LAMC3: variants seen among roughly 807,000 people sequenced by gnomAD.
LAMC3 encodes the protein laminin subunit gamma-3.
Under a neutral mutation model 173.8 loss-of-function variants are expected in LAMC3, and 128 were observed. The observed-to-expected ratio is 0.74, with a 90% CI of 0.64 to 0.85. The LOEUF (loss-of-function observed/expected upper bound fraction) is 0.85. Among genes scored for constraint, LAMC3 ranks in the 40% least tolerant of loss-of-function variants. The pLI is 0.00. For synonymous variants in LAMC3, 897 were observed against 909.1 expected (o/e 0.99, Z 0.24); for missense variants, 2,022 against 2,156.0 (o/e 0.94, Z 1.23).
In LAMC3 at chr9:131,087,772, C is replaced by T; in HGVS notation, c.4432C>T (p.Leu1478=). The T allele has an allele frequency of 1.2e-6, 2 of 1,614,174 alleles. No individual in the cohort carries two copies. Among genetic ancestry groups the T allele is most frequent in the Non-Finnish European group, 1.7e-6 (2 of 1,180,044 alleles). The stretch of plus-strand genomic sequence containing the variant: ...GCAGATCCGGGAATCGCGTATCTCA[C>T]TGGAGAAGGACATCGAGACCTTGTC... ...EQQIRESRIS[L]EKDIETLSEL... Residue 1478 remains leucine, a synonymous_variant, in exon 27 of 28, where the codon CTG becomes TTG. Coordinates refer to ENST00000361069, the MANE Select transcript of LAMC3 (RefSeq NM_006059.4).
rs141571008 is a variant in LAMC3, at chr9:131,041,053, G to A, written c.1284-584G>A. 4.2e-3 allele frequency among the ~76,000 whole-genome samples: 643 copies of A among 152,156 alleles called. 8 individuals are homozygous for A. Among genetic ancestry groups the A allele is most frequent in the African/African-American group, 6.5e-3 (268 of 41,520 alleles). ...AAGGAAGGATGAATAAGTGGATGGA[G>A]GAGTGAGGGGATAGACAGAAAGATT... On this transcript the variant is annotated intron_variant, in intron 6 of 27. Coordinates refer to ENST00000361069, the MANE Select transcript of LAMC3 (RefSeq NM_006059.4).
intron 1 of LAMC3, among the ~76,000 whole-genome samples, chr9:131,022,461 C>A (rs1833644078): frequency 6.6e-6 from 1 of 152,104 alleles, no homozygotes; most frequent in African/African-American, 2.4e-5. Flanking sequence ...AATTCACATA[C>A]CGTATAATTT....
chr9:131,075,807 GCTCAGGTGGGTGTC>G lies in LAMC3; in HGVS notation c.3495-19_3495-6del. The G allele has an allele frequency of 6.2e-7, 1 of 1,603,422 alleles. No individual in the cohort carries two copies. Among genetic ancestry groups the G allele is most frequent in the East Asian group, 2.2e-5 (1 of 44,624 alleles). On this transcript the variant is annotated splice_polypyrimidine_tract_variant and intron_variant, in intron 20 of 27. Transcript: ENST00000361069. ...CCCTTCCCTGCGAGCCCTTGGTAAT[GCTCAGGTGGGTGTC>G]CTCACACAGCCACAGAGACACCGCC...
At chr9:131,018,484 C>G (rs1174888258) in intron 1 of LAMC3, among the ~76,000 whole-genome samples, 1 of 152,050 alleles carries the variant, frequency 6.6e-6, no homozygotes, top group East Asian at 1.9e-4. Flanking sequence ...AGCCCTAGCC[C>G]AGACCCTCAC....
intron 13 of LAMC3, among the ~76,000 whole-genome samples, chr9:131,061,999 C>T (rs1331242576): frequency 1.3e-5 from 2 of 151,974 alleles, no homozygotes; most frequent in South Asian, 2.1e-4. Flanking sequence ...TGCAGTGTGC[C>T]GAGATTTCAC....
At chr9:131,018,914 G>A (rs943680786) in intron 1 of LAMC3, among the ~76,000 whole-genome samples, 6 of 152,150 alleles carry the variant, frequency 3.9e-5, no homozygotes, top group East Asian at 1.9e-4. Context: ...AGGTTTGAGC[G>A]CCTTGTTGAT....
chr9:131,075,896 G>C lies in LAMC3; in HGVS notation c.3560G>C (p.Ser1187Thr), dbSNP rs1472300978. 5.6e-6 allele frequency: 9 copies of C among 1,612,484 alleles called. No individual in the cohort carries two copies. Among genetic ancestry groups the C allele is most frequent in the Non-Finnish European group, 7.6e-6 (9 of 1,179,288 alleles). ...AGGGCCCTGCTCGCCTCCAACACCA[G>C]CTACGCGCTTCTCTGGAATCTGCTG... ...AWRALLASNT[S>T]YALLWNLLEG... Residue 1187 changes from serine to threonine, a missense_variant, in exon 21 of 28, where the codon AGC becomes ACC. Coordinates refer to ENST00000361069, the MANE Select transcript of LAMC3 (RefSeq NM_006059.4).
rs187835927 is a variant in LAMC3 at position 131,029,837 on chromosome 9, G to A, written c.679-2208G>A. ...TGTCCACCTCCTGCTTCTCCTTAAT[G>A]CCATGGCCTGAGTCCTGGGATCCAT... On this transcript the variant is annotated intron_variant, in intron 2 of 27. Coordinates refer to ENST00000361069, the MANE Select transcript of LAMC3 (RefSeq NM_006059.4). The surrounding 1 kb of genome is among the most constrained non-coding windows in gnomAD (Gnocchi z 4.6). Among the ~76,000 whole-genome samples the A allele has an allele frequency of 6.6e-6, 1 of 152,254 alleles. No homozygotes were observed. The highest frequency in any genetic ancestry group is 2.4e-5 in the African/African-American group (1 of 41,562).
At chr9:131,022,514 C>T (rs114021359) in intron 1 of LAMC3, among the ~76,000 whole-genome samples, 10,039 of 152,190 alleles carry the variant, frequency 0.066, 375 homozygotes, top group Middle Eastern at 0.15. Flanking sequence ...AGTATATACA[C>T]ACAGTTGTGC....
rs1588140334 is a variant in LAMC3, at chr9:131,026,794, C to T, written c.678+205C>T. Among the ~76,000 whole-genome samples the T allele has an allele frequency of 6.6e-6, 1 of 152,302 alleles. No individual in the cohort carries two copies. The highest frequency in any genetic ancestry group is 1.9e-4 in the East Asian group (1 of 5,176). Reference sequence around the variant, plus strand: ...ACGCGATTTCGGTTCACTGAAACCTCCGCCTCCTTGGTTCAAGCTATTCTG... The same window carrying T: ...ACGCGATTTCGGTTCACTGAAACCTTCGCCTCCTTGGTTCAAGCTATTCTG... On this transcript the variant is annotated intron_variant, in intron 2 of 27. Coordinates refer to ENST00000361069, the MANE Select transcript of LAMC3 (RefSeq NM_006059.4). The surrounding 1 kb of genome is among the most constrained non-coding windows in gnomAD (Gnocchi z 4.8).
Position 131,026,192 on chromosome 9 carries a change from T to C in LAMC3, c.374-93T>C. On this transcript the variant is annotated intron_variant, in intron 1 of 27. Coordinates refer to ENST00000361069, the MANE Select transcript of LAMC3 (RefSeq NM_006059.4). This position sits in a 1 kb window ranked among gnomAD's most constrained non-coding sequence, Gnocchi z 4.8. ...ACAGCTTCCAGCGATCCATCCACGC[T>C]AGTGCCTGCAATGCAGCCGTCTGTC... 6.3e-7 allele frequency: 1 copy of C among 1,575,364 alleles called. No individual in the cohort carries two copies. The highest frequency in any genetic ancestry group is 8.6e-7 in the Non-Finnish European group (1 of 1,161,586).
chr9:131,048,156 A>G (rs935577785), intron 8 of LAMC3, among the ~76,000 whole-genome samples: 1 of 142,372 alleles, frequency 7.0e-6, no homozygotes. Flanking sequence ...TCTCGGGTTC[A>G]GGCGATTCTC....
intron 11 of LAMC3, among the ~76,000 whole-genome samples, chr9:131,055,244 G>A (rs1306044989): frequency 6.6e-6 from 1 of 152,106 alleles, no homozygotes; most frequent in Non-Finnish European, 1.5e-5. Context: ...GATGAGGAGT[G>A]TCGGCCGCCT....
At position 131,041,877 on chromosome 9, in the gene LAMC3, T is replaced by TGG. The variant is rs1421502298; in HGVS notation, c.1382+145_1382+146dup. On this transcript the variant is annotated intron_variant, in intron 7 of 27. Transcript: ENST00000361069. ...TGACCTTGTCACCCTGTGCCCTTCCTGGGGCACCATGTATCTGTCATACAG... is the reference window on the plus strand; with the variant it reads ...TGACCTTGTCACCCTGTGCCCTTCCTGGGGGGCACCATGTATCTGTCATACAG... 4 of 722,036 alleles carry TGG rather than the reference T, an allele frequency of 5.5e-6. No individual in the cohort carries two copies. In the African/African-American group the frequency reaches 7.0e-5, roughly 13 times the overall value. The allele number at this position is 722,036 out of a possible 1,614,324, so 44.7% of individuals were successfully genotyped here.
chr9:131,062,579 G>A (rs1056161131), intron 13 of LAMC3, among the ~76,000 whole-genome samples: 1 of 151,942 alleles, frequency 6.6e-6, no homozygotes, highest in Middle Eastern at 3.4e-3. Flanking sequence ...CATCAAATGT[G>A]TTGTTGAGGC....
At position 131,068,095 on chromosome 9, in the gene LAMC3, CA is replaced by C. The variant is rs749862854; in HGVS notation, c.2612del (p.Gln871ArgfsTer13). On this transcript the variant is annotated frameshift_variant, in exon 15 of 28. Transcript: ENST00000361069. LOFTEE classifies it high-confidence loss of function. ...GCCCCCAGCTTGCAGCTGTCACCCA[CA>C]GGGCTCGGTCAGTGAGCAGATGCCC... The part of the protein sequence containing the change: ...DKCMPCSCHP[Q>X]GSVSEQMPCD... The C allele has an allele frequency of 6.2e-7, 1 of 1,611,898 alleles. No individual in the cohort carries two copies. The highest frequency in any genetic ancestry group is 1.1e-5 in the South Asian group (1 of 91,086).
Position 131,039,113 on chromosome 9 carries a change from G to A in LAMC3, c.1166-18G>A, listed in dbSNP as rs1169004298. 4.3e-6 allele frequency: 7 copies of A among 1,611,386 alleles called. No homozygotes were observed. Among genetic ancestry groups the A allele is most frequent in the Admixed American group, 3.3e-5 (2 of 59,972 alleles). On this transcript the variant is annotated intron_variant, in intron 5 of 27. Transcript: ENST00000361069. ...TCCCTTTCCTGGCCTCAATTGCCCT[G>A]TGCCCTTCCTCTCCCAGGCTCCCTA...
intron 23 of LAMC3, among the ~76,000 whole-genome samples, chr9:131,080,789 G>T (rs946523102): frequency 6.6e-6 from 1 of 152,052 alleles, no homozygotes; most frequent in South Asian, 2.1e-4. Context: ...AGGCCCCAGC[G>T]TGTACAGATG....
chr9:131,059,203 TA>T (rs907815893), intron 12 of LAMC3, among the ~76,000 whole-genome samples: 5 of 89,254 alleles, frequency 5.6e-5, no homozygotes, highest in African/African-American at 1.8e-4. Flanking sequence ...CTCAAAAAAA[TA>T]AAAAAAGGCC....
Sources: gnomAD v4.1 joint callset for allele counts (sites outside exome capture counted in the v4.1 genomes callset) on GRCh38, gnomAD v4.1.1 for gene constraint, Gnocchi (gnomAD v3.1) non-coding constraint, MANE v1.5 for transcripts, NCBI Gene and HGNC (gene_info 2026-07-23, HGNC 2026-07-21) for gene names.